The following TMEM161A variants were observed in gnomAD, a reference collection of about 807,000 sequenced individuals.
TMEM161A encodes adaptive response to oxidative stress protein 29.
A neutral mutation model predicts 57.1 loss-of-function variants in TMEM161A; 46 were observed. That is an observed-to-expected ratio of 0.81 (90% CI 0.64 to 1.03). The LOEUF is 1.03. TMEM161A is among the 50% of genes least tolerant of loss of function. TMEM161A has a pLI of 0.00. For missense variants in TMEM161A, 601 were observed against 621.5 expected (o/e 0.97, Z 0.35); for synonymous variants, 288 against 279.0 (o/e 1.03, Z -0.32).
intron 6 of TMEM161A, among the ~76,000 whole-genome samples, chr19:19,127,504 A>G (rs754091896): frequency 1.3e-5 from 2 of 150,912 alleles, no homozygotes; most frequent in African/African-American, 4.8e-5. Context: ...TATTTTTTTT[A>G]GTAGAGACGG....
At chr19:19,120,677 C>A (rs912269584) in intron 11 of TMEM161A, 88 bp downstream of exon 11, 41 of 1,272,038 alleles carry the variant, frequency 3.2e-5, no homozygotes, top group Non-Finnish European at 4.0e-5. Context: ...CCTCTCCCCC[C>A]CCACCGCGGT....
intron 6 of TMEM161A, among the ~76,000 whole-genome samples, chr19:19,122,322 C>A (rs1311226633): frequency 6.6e-6 from 1 of 152,022 alleles, no homozygotes; most frequent in Non-Finnish European, 1.5e-5. Context: ...ATGCACCAGG[C>A]AGACACTCCT....
chr19:19,121,023 C>T lies in TMEM161A; in HGVS notation c.1058G>A (p.Gly353Asp), dbSNP rs745720445. ...CTGGATTTCACGGGCTTCGATGCGG[C>T]CAGCCTCCCTTCGCAGCTGCTCCAC... ...ARVEQLRREA[G>D]RIEAREIQQR... is the part of the protein sequence containing the mutation. Residue 353 changes from glycine (G) to aspartate (D), a missense_variant, in exon 10 of 12, where the codon GGC becomes GAC. By Grantham distance (94) the Gly-to-Asp change is moderately conservative (BLOSUM62 -1). Transcript: ENST00000162044. The surrounding 1 kb of genome is among the most constrained non-coding windows in gnomAD (Gnocchi z 5.8). The T allele has an allele frequency of 6.2e-7, 1 of 1,609,518 alleles. No individual in the cohort carries two copies. Among genetic ancestry groups the T allele is most frequent in the South Asian group, 1.1e-5 (1 of 90,688 alleles).
At chr19:19,128,918 A>C (rs1401787667) in intron 6 of TMEM161A, among the ~76,000 whole-genome samples, 1 of 152,214 alleles carries the variant, frequency 6.6e-6, no homozygotes, top group Non-Finnish European at 1.5e-5. Context: ...CTATTTTACC[A>C]CAATGAAAAA....
chr19:19,137,728 C>T (rs2059990839), intron 1 of TMEM161A, among the ~76,000 whole-genome samples: 1 of 152,194 alleles, frequency 6.6e-6, no homozygotes, highest in Non-Finnish European at 1.5e-5. Context: ...GGCAGAGACC[C>T]TCCAGTTCCA....
At chr19:19,129,546 G>A (rs1019569607) in intron 6 of TMEM161A, among the ~76,000 whole-genome samples, 1 of 151,924 alleles carries the variant, frequency 6.6e-6, no homozygotes, top group Non-Finnish European at 1.5e-5. Context: ...AGGAGTGTGA[G>A]ACCAGCCTGG....
intron 2 of TMEM161A, 128 bp downstream of exon 2, chr19:19,134,656 T>C (rs1407468749): frequency 3.1e-6 from 2 of 644,800 alleles, no homozygotes; most frequent in East Asian, 2.8e-5. Context: ...CAATTACACC[T>C]CAACAACGTT....
intron 5 of TMEM161A, among the ~76,000 whole-genome samples, chr19:19,131,509 C>T (rs7408268): frequency 0.21 from 5,254 of 24,710 alleles, 126 homozygotes; most frequent in South Asian, 0.37. Flanking sequence ...TATATATATA[C>T]ACACACACAC....
Position 19,120,826 on chromosome 19 carries a change from G to C in TMEM161A, c.1125C>G (p.Ser375Arg), listed in dbSNP as rs1445955868. The C allele has an allele frequency of 3.7e-6, 6 of 1,613,344 alleles. No homozygotes were observed. In the African/African-American group the frequency reaches 6.7e-5, roughly 18 times the overall value. ...VRVYCYVTVVSLQYLTPLILT... is the reference protein window; with the variant it reads ...VRVYCYVTVVRLQYLTPLILT... The stretch of plus-strand genomic sequence containing the variant: ...GGATGAGCGGCGTCAGGTACTGCAA[G>C]CTCACCACGGTCACATAGCAGTAGA... Residue 375 changes from serine to arginine, a missense_variant, in exon 11 of 12, where the codon AGC becomes AGG. Coordinates refer to ENST00000162044, the MANE Select transcript of TMEM161A (RefSeq NM_017814.3).
rs1407314433 is a variant in TMEM161A at position 19,120,852 on chromosome 19, C to G, written c.1099G>C (p.Val367Leu). The G allele has an allele frequency of 6.2e-7, 1 of 1,613,386 alleles. No homozygotes were observed. The highest frequency in any genetic ancestry group is 2.2e-5 in the East Asian group (1 of 44,880). Residue 367 changes from valine to leucine, a missense_variant, in exon 11 of 12, where the codon GTC becomes CTC. By Grantham distance (32) the Val-to-Leu change is conservative. Transcript: ENST00000162044. ...CTCACCACGGTCACATAGCAGTAGA[C>G]TCGGACCACCTGTGGGCAGGTAGCA... Reference protein sequence around the residue: ...AREIQQRVVRVYCYVTVVSLQ... With the variant: ...AREIQQRVVRLYCYVTVVSLQ...
At chr19:19,134,457 C>G (rs2059975077) in intron 2 of TMEM161A, among the ~76,000 whole-genome samples, 1 of 151,924 alleles carries the variant, frequency 6.6e-6, no homozygotes, top group East Asian at 1.9e-4. Context: ...TAAAAATTGT[C>G]TGGGCATGGT....
intron 1 of TMEM161A, among the ~76,000 whole-genome samples, chr19:19,137,477 A>G (rs2059989890): frequency 6.6e-6 from 1 of 152,180 alleles, no homozygotes; most frequent in South Asian, 2.1e-4. Context: ...AGACATCTGC[A>G]AGAATTTTCT....
At chr19:19,133,276 C>T (rs557170074) in intron 2 of TMEM161A, 66 bp from the exon 3 acceptor site, 1 of 1,466,200 alleles carries the variant, frequency 6.8e-7, no homozygotes, top group Admixed American at 1.7e-5. Context: ...GCAGTGAACC[C>T]CAAATCCAGG....
chr19:19,132,697 G>C lies in TMEM161A; in HGVS notation c.246C>G (p.Phe82Leu). Reference protein sequence around the residue: ...KPLSVPRDAPFQLETCPLTTV... With the variant: ...KPLSVPRDAPLQLETCPLTTV... ...TCGTGAGGGGGCAGGTCTCCAGCTG[G>C]AACGGGGCATCTCGGGGCACAGACA... The change falls in exon 4 of 12, where the codon TTC becomes TTG. Residue 82 changes from phenylalanine (F) to leucine (L), a missense_variant. By Grantham distance (22) the Phe-to-Leu change is conservative. Transcript: ENST00000162044. The surrounding 1 kb of genome is among the most constrained non-coding windows in gnomAD (Gnocchi z 4.3). The C allele has an allele frequency of 1.9e-6, 3 of 1,581,646 alleles. No individual in the cohort carries two copies. The highest frequency in any genetic ancestry group is 1.7e-6 in the Non-Finnish European group (2 of 1,163,392).
intron 5 of TMEM161A, among the ~76,000 whole-genome samples, chr19:19,130,797 C>T (rs1023415424): frequency 6.6e-6 from 1 of 151,970 alleles, no homozygotes; most frequent in Non-Finnish European, 1.5e-5. Flanking sequence ...TGTGGTAGCC[C>T]CTGTGGTCCC....
In TMEM161A at chr19:19,121,868, T is replaced by G; in HGVS notation, c.596-49A>C. ...GAGTAGAGTGAATTCCTAGGGTCTCTAAGGCCACTCTGTTCCCTAACCCCC... is the reference window on the plus strand; with the variant it reads ...GAGTAGAGTGAATTCCTAGGGTCTCGAAGGCCACTCTGTTCCCTAACCCCC... On this transcript the variant is annotated intron_variant, in intron 6 of 11. Transcript: ENST00000162044. The surrounding 1 kb of genome is among the most constrained non-coding windows in gnomAD (Gnocchi z 5.8). 6.2e-7 allele frequency: 1 copy of G among 1,601,148 alleles called. No homozygotes were observed. The highest frequency in any genetic ancestry group is 8.5e-7 in the Non-Finnish European group (1 of 1,171,566).
At chr19:19,124,418 CA>C (rs2059922547) in intron 6 of TMEM161A, among the ~76,000 whole-genome samples, 1 of 152,094 alleles carries the variant, frequency 6.6e-6, no homozygotes, top group Admixed American at 6.5e-5. Flanking sequence ...GGAATAGTCA[CA>C]AAATGTGATC....
chr19:19,133,656 G>A (rs530991864), intron 2 of TMEM161A, among the ~76,000 whole-genome samples: 1 of 152,142 alleles, frequency 6.6e-6, no homozygotes, highest in East Asian at 1.9e-4. Context: ...ATTTTTACCA[G>A]AGACAGGGTT....
At chr19:19,134,172 C>T (rs562243945) in intron 2 of TMEM161A, among the ~76,000 whole-genome samples, 1 of 152,054 alleles carries the variant, frequency 6.6e-6, no homozygotes, top group South Asian at 2.1e-4. Context: ...CCAGAGCAGG[C>T]GAGCTCTAGC....
Sources: allele counts gnomAD v4.1 joint callset (sites outside exome capture counted in the v4.1 genomes callset), GRCh38; gene constraint gnomAD v4.1.1; non-coding constraint Gnocchi (gnomAD v3.1); transcripts MANE v1.5; gene names NCBI Gene and HGNC (gene_info 2026-07-23, HGNC 2026-07-21).